The following SPART variants were observed in gnomAD, a reference collection of about 807,000 sequenced individuals.
SPART encodes spartin, also known as spastic paraplegia 20 (Troyer syndrome).
SPART carries 35 observed loss-of-function variants against 58.7 expected under a neutral mutation model. The observed-to-expected ratio is 0.60, with a 90% CI of 0.46 to 0.79. The LOEUF (loss-of-function observed/expected upper bound fraction) is 0.79. SPART is among the 30% of genes least tolerant of loss of function. The pLI, the probability that SPART is intolerant of heterozygous loss-of-function variation, is 0.00. For synonymous variants in SPART, 284 were observed against 280.7 expected, an observed-to-expected ratio of 1.01 and a Z score of -0.12; for missense variants, 730 against 786.1, an observed-to-expected ratio of 0.93 and a Z score of 0.85.
chr13:36,341,354 G>C (rs752728023), intron 1 of SPART, among the ~76,000 whole-genome samples: 2 of 152,088 alleles, frequency 1.3e-5, no homozygotes, highest in Non-Finnish European at 2.9e-5. Context: ...TTCAATGATA[G>C]TATCTTATTT....
chr13:36,350,328 CT>C (rs2137689077), upstream of SPART, among the ~76,000 whole-genome samples: 1 of 152,316 alleles, frequency 6.6e-6, no homozygotes, highest in East Asian at 1.9e-4. Context: ...CAGGAACTAT[CT>C]CCGTTTTATA....
At chr13:36,311,110 C>G (rs1881043355) in intron 8 of SPART, among the ~76,000 whole-genome samples, 1 of 152,154 alleles carries the variant, frequency 6.6e-6, no homozygotes, top group South Asian at 2.1e-4. Flanking sequence ...CAGAAAAGAG[C>G]CACAAGGGCA....
intron 1 of SPART, among the ~76,000 whole-genome samples, chr13:36,353,609 C>T (rs552201567): frequency 3.3e-5 from 5 of 152,110 alleles, no homozygotes; most frequent in Non-Finnish European, 5.9e-5. Context: ...GGGCTTTGCT[C>T]TGGGTTGGGC....
chr13:36,308,918 C>A (rs1880789412), intron 8 of SPART, among the ~76,000 whole-genome samples: 1 of 152,114 alleles, frequency 6.6e-6, no homozygotes, highest in Admixed American at 6.5e-5. Context: ...AATTTGAGAT[C>A]TATTGTATGT....
At chr13:36,348,918 A>C (rs913564032), upstream of SPART, among the ~76,000 whole-genome samples, 11 of 152,304 alleles carry the variant, frequency 7.2e-5, no homozygotes, top group Middle Eastern at 6.8e-3. Flanking sequence ...ACAGATCTTG[A>C]AAAAGAAGAA....
rs181975415 is a variant in SPART, at chr13:36,362,938, A to G, written c.-3+7151T>C. ...ATTAACTAATTTTCTGCTGGTGATT[A>G]TTAACATGGTGAAAGGCAGAACTGC... is the stretch of plus-strand genomic sequence containing the variant. On this transcript the variant is annotated intron_variant, in intron 1 of 8. Coordinates refer to the SPART transcript ENST00000355182. Among the ~76,000 whole-genome samples the G allele has an allele frequency of 1.7e-3, 262 of 152,266 alleles. 1 individual carries two copies. Among genetic ancestry groups the G allele is most frequent in the Non-Finnish European group, 3.3e-3 (225 of 68,032 alleles).
intron 1 of SPART, among the ~76,000 whole-genome samples, chr13:36,355,844 A>AG (rs2137704166): frequency 6.6e-6 from 1 of 151,930 alleles, no homozygotes; most frequent in South Asian, 2.1e-4. Context: ...TAATGGCAAA[A>AG]AAAACCCCAC....
chr13:36,329,961 T>A (rs1883309104), intron 3 of SPART, among the ~76,000 whole-genome samples: 1 of 152,230 alleles, frequency 6.6e-6, no homozygotes, highest in Non-Finnish European at 1.5e-5. Flanking sequence ...CTTTGCTGAA[T>A]GAATGCTTAA....
At chr13:36,358,078 C>T (rs35487333) in intron 1 of SPART, among the ~76,000 whole-genome samples, 17,937 of 151,700 alleles carry the variant, frequency 0.12, 1,375 homozygotes, top group Middle Eastern at 0.16. Context: ...GATTTAAATG[C>T]GTCAGTTCAT....
intron 1 of SPART, among the ~76,000 whole-genome samples, chr13:36,358,256 G>T (rs994320326): frequency 6.6e-6 from 1 of 151,968 alleles, no homozygotes; most frequent in Non-Finnish European, 1.5e-5. Context: ...TTCATTTTAT[G>T]GTCTTTATTT....
intron 6 of SPART, 112 bp downstream of exon 6, chr13:36,314,115 A>G: frequency 9.0e-7 from 1 of 1,110,632 alleles, no homozygotes; most frequent in South Asian, 1.4e-5. Context: ...GCTTTGTCCT[A>G]ATTCTTTATT....
chr13:36,362,787 G>A (rs1885914255), intron 1 of SPART, among the ~76,000 whole-genome samples: 1 of 62,152 alleles, frequency 1.6e-5, no homozygotes, highest in Admixed American at 1.8e-4. Flanking sequence ...GTAATGTGGA[G>A]GATACTTTTT....
chr13:36,348,008 A>T (rs1885250844), upstream of SPART, among the ~76,000 whole-genome samples: 1 of 152,224 alleles, frequency 6.6e-6, no homozygotes, highest in African/African-American at 2.4e-5. Context: ...AATATTGGCC[A>T]GGCTTGGTGG....
intron 5 of SPART, among the ~76,000 whole-genome samples, chr13:36,316,266 G>T (rs963036245): frequency 8.5e-5 from 13 of 152,212 alleles, no homozygotes; most frequent in African/African-American, 3.1e-4. Flanking sequence ...ACCATTTACA[G>T]TTGTTATTAA....
chr13:36,355,569 T>C (rs1453565484), intron 1 of SPART, among the ~76,000 whole-genome samples: 1 of 152,224 alleles, frequency 6.6e-6, no homozygotes, highest in Non-Finnish European at 1.5e-5. Context: ...CTACTATATA[T>C]GTTACTTGCA....
At chr13:36,330,696 T>C (rs1883379476) in intron 3 of SPART, among the ~76,000 whole-genome samples, 1 of 152,182 alleles carries the variant, frequency 6.6e-6, no homozygotes, top group Non-Finnish European at 1.5e-5. Flanking sequence ...TCTATTCAAG[T>C]TCCCTGTTAA....
At chr13:36,369,556 ACAGGAAGATCTCTCTGCC>A (rs1445398709) in intron 1 of SPART, 5 of 152,200 alleles carry the variant, frequency 3.3e-5, no homozygotes, top group African/African-American at 1.2e-4. Context: ...CCAAGAAAAT[ACAGGAAGATCTCTCTGCC>A]CAGGCTTGGA....
intron 4 of SPART, 102 bp from the exon 5 acceptor site, chr13:36,326,800 A>T: frequency 7.6e-7 from 1 of 1,307,344 alleles, no homozygotes; most frequent in Admixed American, 1.9e-5. Flanking sequence ...ACTAGATAAA[A>T]TTAATGAAAA....
chr13:36,344,985 G>A (rs1884935066), intron 1 of SPART, among the ~76,000 whole-genome samples: 1 of 152,028 alleles, frequency 6.6e-6, no homozygotes, highest in Non-Finnish European at 1.5e-5. Flanking sequence ...CCGAGAAAAG[G>A]TAAAATTCTG....
Sources: allele counts gnomAD v4.1 joint callset (sites outside exome capture counted in the v4.1 genomes callset), GRCh38; gene constraint gnomAD v4.1.1; transcripts MANE v1.5; gene names NCBI Gene and HGNC (gene_info 2026-07-23, HGNC 2026-07-21).